Variants in WNT5A observed in about 807,000 individuals in gnomAD.
WNT5A encodes Wnt family member 5A.
WNT5A carries 9 observed loss-of-function variants against 42.1 expected under a neutral mutation model. The ratio of observed to expected loss-of-function variants is 0.21; its 90% CI spans 0.13 to 0.37. WNT5A has a LOEUF of 0.37. Among genes scored for constraint, WNT5A ranks in the 10% least tolerant of loss-of-function variants. WNT5A has a pLI of 1.00. For synonymous variants in WNT5A, 210 were observed against 210.0 expected (o/e 1.00, Z 0.00); for missense variants, 426 against 534.0 (o/e 0.80, Z 1.99).
At position 55,487,184 on chromosome 3, in the gene WNT5A, A is replaced by G; in HGVS notation, c.-199T>C. ...CGGGCCTGGACTCCCGAGTTGGGGC[A>G]GAGCTGGGATGCGCCCAGGAATGGA... is the stretch of plus-strand genomic sequence containing the variant. On this transcript the variant is annotated 5_prime_UTR_variant, in exon 1 of 5. Transcript: ENST00000264634. 1.8e-6 allele frequency: 1 copy of G among 567,628 alleles called. No homozygotes were observed. The highest frequency in any genetic ancestry group is 3.1e-6 in the Non-Finnish European group (1 of 322,786). The allele number at this position is 567,628 out of a possible 1,614,324, so 35.2% of individuals were successfully genotyped here. A position where few individuals can be genotyped will look rare whatever the true frequency, so the allele number is the denominator to read the frequency against.
intron 1 of WNT5A, 90 bp downstream of exon 1, chr3:55,486,890 G>A (rs2051587741): frequency 7.7e-6 from 7 of 909,218 alleles, no homozygotes; most frequent in African/African-American, 3.2e-5. Flanking sequence ...GGAAATGGAG[G>A]GATAGGAAGA....
intron 3 of WNT5A, 136 bp downstream of exon 3, chr3:55,479,178 C>G (rs1198392771): frequency 1.0e-6 from 1 of 970,516 alleles, no homozygotes; most frequent in African/African-American, 1.7e-5. Context: ...GCTATAATGA[C>G]AAAAATGCCC....
Position 55,487,092 on chromosome 3 carries a change from G to A in WNT5A, c.-107C>T. On this transcript the variant is annotated 5_prime_UTR_variant, in exon 1 of 5. Coordinates refer to ENST00000264634, the MANE Select transcript of WNT5A (RefSeq NM_003392.7). ...GCCTGGGGGGACGGTCAGGAGCAGGGCTGCGGAGTCCTCCGGCGCGCGTCC... is the reference window on the plus strand; with the variant it reads ...GCCTGGGGGGACGGTCAGGAGCAGGACTGCGGAGTCCTCCGGCGCGCGTCC... The A allele has an allele frequency of 3.1e-6, 3 of 966,892 alleles. No individual in the cohort carries two copies. In the South Asian group the frequency reaches 4.8e-5, roughly 15 times the overall value. The allele number at this position is 966,892 out of a possible 1,614,324, so 59.9% of individuals were successfully genotyped here. A position where few individuals can be genotyped will look rare whatever the true frequency, so the allele number is the denominator to read the frequency against.
At chr3:55,489,327 T>G (rs1167337123), upstream of WNT5A, 3 of 128,446 alleles carry the variant, frequency 2.3e-5, no homozygotes. Flanking sequence ...ACACACACTA[T>G]TCAATTTTCT....
intron 4 of WNT5A, 103 bp downstream of exon 4, chr3:55,474,234 G>A (rs1031613023): frequency 4.2e-6 from 6 of 1,425,350 alleles, no homozygotes; most frequent in Non-Finnish European, 5.8e-6. Context: ...TATAGCAAAG[G>A]AGTGGCAGAG....
chr3:55,499,604 C>T, the WNT5A span, among the ~76,000 whole-genome samples: 1 of 152,090 alleles, frequency 6.6e-6, no homozygotes, highest in South Asian at 2.1e-4. Context: ...AATCCATTAG[C>T]GGTTGACTTT....
intron 1 of WNT5A, 109 bp downstream of exon 1, chr3:55,486,871 G>T: frequency 1.2e-6 from 1 of 829,668 alleles, no homozygotes; most frequent in South Asian, 1.4e-5. Flanking sequence ...AGCTTCTTCA[G>T]GCGGTTGGGG....
intron 1 of WNT5A, among the ~76,000 whole-genome samples, chr3:55,486,456 C>T (rs1159953323): frequency 6.6e-6 from 1 of 152,132 alleles, no homozygotes; most frequent in Non-Finnish European, 1.5e-5. Flanking sequence ...TCCGTCGGTG[C>T]GGGGGGGTGT....
In WNT5A at chr3:55,483,973, T is replaced by C. The variant is rs193046735; in HGVS notation, c.6+3007A>G. On this transcript the variant is annotated intron_variant, in intron 1 of 4. Transcript: ENST00000264634. This position sits in a 1 kb window ranked among gnomAD's most constrained non-coding sequence, Gnocchi z 4.2. ...CTCCGCAGGCAGTCCCTTAAGAGAA[T>C]AGATAAAAAGGCCAAGCAAAGATCC... 7.7e-4 allele frequency among the ~76,000 whole-genome samples: 117 copies of C among 151,784 alleles called. No individual in the cohort carries two copies. The highest frequency in any genetic ancestry group is 6.6e-3 in the Admixed American group (100 of 15,234).
chr3:55,483,133 C>T lies in WNT5A; in HGVS notation c.7-2215G>A, dbSNP rs946941378. Among the ~76,000 whole-genome samples, 5 of 152,184 alleles carry T rather than the reference C, an allele frequency of 3.3e-5. No individual in the cohort carries two copies. The highest frequency in any genetic ancestry group is 1.2e-4 in the African/African-American group (5 of 41,446). On this transcript the variant is annotated intron_variant, in intron 1 of 4. Coordinates refer to ENST00000264634, the MANE Select transcript of WNT5A (RefSeq NM_003392.7). The surrounding 1 kb of genome is among the most constrained non-coding windows in gnomAD (Gnocchi z 4.2). Reference sequence around the variant, plus strand: ...CACACAAACCGAACCCACTCCCAGCCCGAAGCCCCCAGGGAGAGTCCACCA... The same window carrying T: ...CACACAAACCGAACCCACTCCCAGCTCGAAGCCCCCAGGGAGAGTCCACCA...
chr3:55,481,625 G>C (rs1476479452), intron 1 of WNT5A, among the ~76,000 whole-genome samples: 1 of 152,192 alleles, frequency 6.6e-6, no homozygotes, highest in African/African-American at 2.4e-5. Context: ...AGAGCAGCCC[G>C]GATTTCCTTA....
At chr3:55,488,286 C>G (rs2051612331), upstream of WNT5A, 1 of 152,262 alleles carries the variant, frequency 6.6e-6, no homozygotes, top group Admixed American at 6.5e-5. Context: ...TCCTGTGCCC[C>G]GCAAACAGAC....
chr3:55,501,335 TA>T, the WNT5A span, among the ~76,000 whole-genome samples: 2 of 152,158 alleles, frequency 1.3e-5, no homozygotes, highest in African/African-American at 4.8e-5. Flanking sequence ...GGCTAAAAAA[TA>T]AAAAATGCAA....
At chr3:55,479,585 C>T in intron 2 of WNT5A, 21 bp from the exon 3 acceptor site, 1 of 1,552,660 alleles carries the variant, frequency 6.4e-7, no homozygotes, top group Non-Finnish European at 8.7e-7. Context: ...GGGAGATGTG[C>T]ATTCAAGATT....
At chr3:55,500,519 A>G in the WNT5A span, among the ~76,000 whole-genome samples, 1 of 152,246 alleles carries the variant, frequency 6.6e-6, no homozygotes, top group Non-Finnish European at 1.5e-5. Flanking sequence ...GCTTCCTGAC[A>G]GCTTGTCATG....
intron 2 of WNT5A, among the ~76,000 whole-genome samples, chr3:55,480,243 C>T (rs773588121): frequency 6.6e-5 from 10 of 152,198 alleles, no homozygotes; most frequent in Admixed American, 1.3e-4. Context: ...AAGGCCCCTA[C>T]CCAGAAAGAA....
rs981464945 is a variant in WNT5A at position 55,487,098 on chromosome 3, G to T, written c.-113C>A. ...GGGGACGGTCAGGAGCAGGGCTGCGGAGTCCTCCGGCGCGCGTCCGGCGGG... is the reference window on the plus strand; with the variant it reads ...GGGGACGGTCAGGAGCAGGGCTGCGTAGTCCTCCGGCGCGCGTCCGGCGGG... On this transcript the variant is annotated 5_prime_UTR_variant, in exon 1 of 5. Transcript: ENST00000264634. 1.1e-6 allele frequency: 1 copy of T among 910,334 alleles called. No homozygotes were observed. The highest frequency in any genetic ancestry group is 2.5e-5 in the Admixed American group (1 of 40,726). The allele number at this position is 910,334 out of a possible 1,614,324, so 56.4% of individuals were successfully genotyped here. A position where few individuals can be genotyped will look rare whatever the true frequency, so the allele number is the denominator to read the frequency against.
At chr3:55,500,163 A>G in the WNT5A span, among the ~76,000 whole-genome samples, 1 of 152,152 alleles carries the variant, frequency 6.6e-6, no homozygotes, top group Non-Finnish European at 1.5e-5. Context: ...TACAGTGTTT[A>G]CCATGAGTTT....
At chr3:55,470,708 C>G (rs988523688) in intron 4 of WNT5A, among the ~76,000 whole-genome samples, 158 bp from the exon 5 acceptor site, 7 of 152,200 alleles carry the variant, frequency 4.6e-5, no homozygotes, top group Admixed American at 3.9e-4. Flanking sequence ...TCTTATGTTG[C>G]CTTCTTTAAA....
Sources: allele counts gnomAD v4.1 joint callset (sites outside exome capture counted in the v4.1 genomes callset), GRCh38; gene constraint gnomAD v4.1.1; non-coding constraint Gnocchi (gnomAD v3.1); transcripts MANE v1.5; gene names NCBI Gene and HGNC (gene_info 2026-07-23, HGNC 2026-07-21).